Variants in AKR1B15 observed in about 807,000 individuals in gnomAD.
The protein encoded by AKR1B15 is aldo-keto reductase family 1 member B15, also known as estradiol 17-beta-dehydrogenase AKR1B15.
In AKR1B15, 49 loss-of-function variants were observed where a neutral mutation model predicts 38.5. That is an observed-to-expected ratio of 1.27 (90% confidence interval 1.01 to 1.62). AKR1B15 has a LOEUF of 1.62. Ranked by LOEUF, AKR1B15 falls within the 40% of genes most tolerant of loss-of-function variation. AKR1B15 has a pLI of 0.00. For synonymous variants in AKR1B15, 137 were observed against 135.5 expected (o/e 1.01, Z -0.08); for missense variants, 411 against 381.6 (o/e 1.08, Z -0.64).
At chr7:134,563,254 A>C (rs1353379829) in intron 2 of AKR1B15, among the ~76,000 whole-genome samples, 1 of 152,156 alleles carries the variant, frequency 6.6e-6, no homozygotes, top group East Asian at 1.9e-4. Flanking sequence ...AGCTCTTCCC[A>C]CTGCAGCTAG....
Position 134,550,833 on chromosome 7 carries a change from C to T in AKR1B15, c.-147+1584C>T, listed in dbSNP as rs558823025. On this transcript the variant is annotated intron_variant, in intron 1 of 11. Transcript: ENST00000457545. ...TTAAAAAAGGCAAACTCTGGACACT[C>T]TGCGAAGTAGAATGGCCAAAGTTTG... is the stretch of plus-strand genomic sequence containing the variant. Among the ~76,000 whole-genome samples the T allele has an allele frequency of 3.3e-5, 5 of 152,292 alleles. No homozygotes were observed. The South Asian group carries it at 1.0e-3, about 32-fold the overall frequency.
Position 134,579,657 on chromosome 7 carries a change from A to C in AKR1B15, c.*108A>C. 1 of 1,053,242 alleles carries C rather than the reference A, an allele frequency of 9.5e-7. No homozygotes were observed. Among genetic ancestry groups the C allele is most frequent in the South Asian group, 1.7e-5 (1 of 59,870 alleles). The allele number at this position is 1,053,242 out of a possible 1,614,324, so 65.2% of individuals were successfully genotyped here. ...CCAAGCTTATCTGAGATCACAGTGA[A>C]CTTTGTCCTGTTGTAGACCAGAATG... On this transcript the variant is annotated 3_prime_UTR_variant, in exon 12 of 12. Coordinates refer to ENST00000457545, the MANE Select transcript of AKR1B15 (RefSeq NM_001080538.3).
intron 8 of AKR1B15, 44 bp from the exon 9 acceptor site, chr7:134,576,305 G>A (rs779507712): frequency 5.5e-5 from 87 of 1,585,852 alleles, no homozygotes; most frequent in Middle Eastern, 3.9e-4. Flanking sequence ...TTCTGTACAC[G>A]GTAGCCATGG....
intron 2 of AKR1B15, among the ~76,000 whole-genome samples, chr7:134,558,849 C>G (rs1374715259): frequency 6.6e-6 from 1 of 152,188 alleles, no homozygotes; most frequent in African/African-American, 2.4e-5. Flanking sequence ...ACAGGCATCA[C>G]CCCTGGAGTT....
intron 1 of AKR1B15, among the ~76,000 whole-genome samples, chr7:134,553,915 T>C (rs1018316236): frequency 5.3e-5 from 8 of 152,178 alleles, no homozygotes; most frequent in African/African-American, 1.9e-4. Flanking sequence ...GAGACAGATG[T>C]ACTGTAGGCC....
chr7:134,564,686 C>T lies in AKR1B15; in HGVS notation c.67C>T (p.Pro23Ser). Residue 23 changes from proline to serine, a missense_variant, in exon 3 of 12, where the codon CCC (proline) becomes TCC (serine). By Grantham distance (74) the Pro-to-Ser change is moderately conservative. Coordinates refer to ENST00000457545, the MANE Select transcript of AKR1B15 (RefSeq NM_001080538.3). ...NNFHQGPLDQPVGPLTGLKSS... is the reference protein window; with the variant it reads ...NNFHQGPLDQSVGPLTGLKSS... ...CTTCCACCAAGGACCCCTGGACCAACCCGTTGGCCCTTTGACTGGCCTAAA... is the reference window on the plus strand; with the variant it reads ...CTTCCACCAAGGACCCCTGGACCAATCCGTTGGCCCTTTGACTGGCCTAAA... The T allele has an allele frequency of 2.9e-6, 2 of 699,602 alleles. No homozygotes were observed. The highest frequency in any genetic ancestry group is 1.5e-5 in the South Asian group (1 of 67,058). 43.3% of individuals were successfully genotyped at this position (699,602 alleles called of 1,614,324 possible). A position where few individuals can be genotyped will look rare whatever the true frequency, so the allele number is the denominator to read the frequency against.
At chr7:134,576,487 T>C in intron 9 of AKR1B15, 57 bp downstream of exon 9, 1 of 1,586,348 alleles carries the variant, frequency 6.3e-7, no homozygotes, top group African/African-American at 1.3e-5. Context: ...GTCTCATGTT[T>C]CATTTCTCGT....
At chr7:134,554,499 A>G (rs188068262) in intron 1 of AKR1B15, among the ~76,000 whole-genome samples, 31 of 152,258 alleles carry the variant, frequency 2.0e-4, no homozygotes, top group Non-Finnish European at 5.9e-5. Context: ...AAACTGGCCC[A>G]GCTTCTAAGG....
At chr7:134,568,074 G>A (rs1164084107) in intron 3 of AKR1B15, 84 bp from the exon 4 acceptor site, 82 of 1,536,538 alleles carry the variant, frequency 5.3e-5, no homozygotes, top group Non-Finnish European at 6.8e-5. Context: ...ACCTGGGAGT[G>A]TGAGGCCAGC....
intron 6 of AKR1B15, among the ~76,000 whole-genome samples, chr7:134,573,733 T>C (rs1392599870): frequency 1.3e-5 from 2 of 152,208 alleles, no homozygotes; most frequent in African/African-American, 4.8e-5. Flanking sequence ...TATGATTTCA[T>C]AGCTTCCAAA....
chr7:134,559,835 T>G (rs899840335), intron 2 of AKR1B15, among the ~76,000 whole-genome samples: 2 of 152,070 alleles, frequency 1.3e-5, no homozygotes, highest in Non-Finnish European at 2.9e-5. Flanking sequence ...TTATGCCAGG[T>G]GCAGTGGCTC....
intron 1 of AKR1B15, among the ~76,000 whole-genome samples, chr7:134,555,980 C>T (rs768704256): frequency 2.6e-5 from 4 of 152,116 alleles, no homozygotes; most frequent in Non-Finnish European, 4.4e-5. Flanking sequence ...CATCCTAAGC[C>T]GTGTACTATA....
At chr7:134,568,101 G>C in intron 3 of AKR1B15, 57 bp from the exon 4 acceptor site, 1 of 1,597,326 alleles carries the variant, frequency 6.3e-7, no homozygotes, top group Non-Finnish European at 8.5e-7. Flanking sequence ...AACATGGCAA[G>C]GTCTCATCTC....
At chr7:134,552,271 C>T (rs1173623365) in intron 1 of AKR1B15, among the ~76,000 whole-genome samples, 1 of 152,148 alleles carries the variant, frequency 6.6e-6, no homozygotes, top group Non-Finnish European at 1.5e-5. Context: ...CCCTACTGCT[C>T]AGCTCCTGCT....
At chr7:134,552,620 G>T (rs1161218335) in intron 1 of AKR1B15, among the ~76,000 whole-genome samples, 4 of 152,116 alleles carry the variant, frequency 2.6e-5, no homozygotes, top group Non-Finnish European at 5.9e-5. Context: ...TACAGGACTT[G>T]CAGGAAGGTA....
intron 6 of AKR1B15, 23 bp downstream of exon 6, chr7:134,571,704 T>G: frequency 6.3e-7 from 1 of 1,590,360 alleles, no homozygotes; most frequent in Non-Finnish European, 8.6e-7. Context: ...TTTGTCTAAG[T>G]GTGCTGGGAG....
intron 2 of AKR1B15, among the ~76,000 whole-genome samples, chr7:134,564,366 T>A (rs1264531634): frequency 2.0e-5 from 3 of 152,182 alleles, no homozygotes; most frequent in Admixed American, 1.3e-4. Context: ...TGCATCTTTT[T>A]AGGGGAAGAG....
chr7:134,565,797 A>G (rs1794520002), intron 3 of AKR1B15, among the ~76,000 whole-genome samples: 1 of 152,138 alleles, frequency 6.6e-6, no homozygotes, highest in South Asian at 2.1e-4. Context: ...AGTTGGACTT[A>G]AAATTGTTTT....
At chr7:134,555,469 C>T (rs955497881) in intron 1 of AKR1B15, among the ~76,000 whole-genome samples, 1 of 152,128 alleles carries the variant, frequency 6.6e-6, no homozygotes, top group African/African-American at 2.4e-5. Context: ...GGCCAGGCCC[C>T]TTAAAACTGC....
Sources: allele counts gnomAD v4.1 joint callset (sites outside exome capture counted in the v4.1 genomes callset), GRCh38; gene constraint gnomAD v4.1.1; transcripts MANE v1.5; gene names NCBI Gene and HGNC (gene_info 2026-07-23, HGNC 2026-07-21).